Variants in AFG1L observed in about 807,000 individuals in gnomAD.
AFG1L encodes the protein AFG1-like ATPase.
In AFG1L, 53 loss-of-function variants were observed where a neutral mutation model predicts 62.2. That is an observed-to-expected ratio of 0.85 (90% CI 0.68 to 1.07). The LOEUF (loss-of-function observed/expected upper bound fraction) is 1.07, where lower values mean the gene tolerates loss of function less well. Ranked by LOEUF, AFG1L falls within the 50% of genes least tolerant of loss-of-function variation. The pLI is 0.00. For synonymous variants in AFG1L, 228 were observed against 210.3 expected (o/e 1.08, Z -0.73); for missense variants, 555 against 590.5 (o/e 0.94, Z 0.62).
intron 2 of AFG1L, among the ~76,000 whole-genome samples, chr6:108,344,527 A>G (rs917301951): frequency 6.6e-6 from 1 of 152,150 alleles, no homozygotes; most frequent in Non-Finnish European, 1.5e-5. Flanking sequence ...TCAAGGCTGT[A>G]GTATGCTATG....
chr6:108,302,336 G>A (rs900242341), intron 1 of AFG1L, among the ~76,000 whole-genome samples: 2 of 152,144 alleles, frequency 1.3e-5, no homozygotes, highest in Non-Finnish European at 2.9e-5. Flanking sequence ...ATCATGGTAA[G>A]ACTGATTTGC....
At position 108,476,935 on chromosome 6, in the gene AFG1L, T is replaced by G. The variant is rs201639209; in HGVS notation, c.961T>G (p.Leu321Val). 1 of 1,612,492 alleles carries G rather than the reference T, an allele frequency of 6.2e-7. No individual in the cohort carries two copies. Among genetic ancestry groups the G allele is most frequent in the East Asian group, 2.2e-5 (1 of 44,872 alleles). ...TGAGCTGGCTCAGAAACAAAATGAT[T>G]GTACGTAAGTTAATTTCTCTTGAAA... ...FDELAQKQND[L>V]TRPRILKVQG... Residue 321 changes from leucine to valine, a missense_variant and splice_region_variant, in exon 9 of 13, where the codon TTA becomes GTA. Physicochemically the swap from Leu to Val is conservative, Grantham distance 32. Transcript: ENST00000368977.
chr6:108,325,885 C>T (rs945898558), intron 2 of AFG1L, among the ~76,000 whole-genome samples: 21 of 151,970 alleles, frequency 1.4e-4, no homozygotes, highest in African/African-American at 4.8e-4. Flanking sequence ...CAGGTTCAAA[C>T]GATTCTCCTG....
At position 108,468,018 on chromosome 6, in the gene AFG1L, G is replaced by A. The variant is rs183326254; in HGVS notation, c.891-8847G>A. ...CTTCAGTCTGAAAGCTGTAAGACTG[G>A]ATAACTAACCCCATATTTATCCCTT... On this transcript the variant is annotated intron_variant, in intron 8 of 12. Coordinates refer to ENST00000368977, the MANE Select transcript of AFG1L (RefSeq NM_145315.5). 1.6e-3 allele frequency among the ~76,000 whole-genome samples: 237 copies of A among 152,252 alleles called. 10 individuals are homozygous for A. The highest frequency in any genetic ancestry group is 0.013 in the Admixed American group (197 of 15,288).
chr6:108,373,327 A>G (rs1450246665), intron 6 of AFG1L, among the ~76,000 whole-genome samples: 1 of 152,146 alleles, frequency 6.6e-6, no homozygotes, highest in African/African-American at 2.4e-5. Flanking sequence ...CATTTAGGCT[A>G]ATGGCCTCGA....
chr6:108,353,133 C>A (rs1020548738), intron 3 of AFG1L, among the ~76,000 whole-genome samples: 1 of 149,624 alleles, frequency 6.7e-6, no homozygotes, highest in African/African-American at 2.5e-5. Context: ...TTGCTGGATC[C>A]TATGGTCACA....
In AFG1L at chr6:108,436,155, GT is replaced by G. The variant is rs1006429415; in HGVS notation, c.808-11050del. On this transcript the variant is annotated intron_variant, in intron 7 of 12. Transcript: ENST00000368977. Reference sequence around the variant, plus strand: ...CCATATCATTTTTGTATGAGATTAGGTTTTTTTTTAGACAGAGTCTCGCTGT... The same window carrying G: ...CCATATCATTTTTGTATGAGATTAGGTTTTTTTTAGACAGAGTCTCGCTGT... 2.6e-5 allele frequency among the ~76,000 whole-genome samples: 4 copies of G among 151,116 alleles called. No individual in the cohort carries two copies. The East Asian group carries it at 5.8e-4, about 22-fold the overall frequency.
At chr6:108,436,747 A>G (rs941923562) in intron 7 of AFG1L, among the ~76,000 whole-genome samples, 3 of 152,220 alleles carry the variant, frequency 2.0e-5, no homozygotes, top group African/African-American at 7.2e-5. Flanking sequence ...CTGTTTGACA[A>G]TGGACAAGTT....
chr6:108,479,497 G>T (rs1195528855), intron 10 of AFG1L, among the ~76,000 whole-genome samples: 2 of 152,130 alleles, frequency 1.3e-5, no homozygotes, highest in African/African-American at 2.4e-5. Flanking sequence ...GGGTTAGGTC[G>T]CAGTGTTAAG....
chr6:108,305,362 A>T (rs1299799774), intron 1 of AFG1L, among the ~76,000 whole-genome samples: 1 of 152,168 alleles, frequency 6.6e-6, no homozygotes, highest in East Asian at 1.9e-4. Flanking sequence ...GGATACTCTG[A>T]ACACCTAGAG....
Position 108,453,395 on chromosome 6 carries a change from G to A in AFG1L, c.890+6099G>A, listed in dbSNP as rs550916356. Among the ~76,000 whole-genome samples the A allele has an allele frequency of 2.6e-5, 4 of 152,082 alleles. No individual in the cohort carries two copies. In the East Asian group the frequency reaches 7.7e-4, roughly 29 times the overall value. On this transcript the variant is annotated intron_variant, in intron 8 of 12. Transcript: ENST00000368977. Reference sequence around the variant, plus strand: ...GAAGTTTTATGTCTCAAGCACTCTTGGTTTTCCACTTGGGAAATATCTATT... The same window carrying A: ...GAAGTTTTATGTCTCAAGCACTCTTAGTTTTCCACTTGGGAAATATCTATT...
At chr6:108,314,035 C>G (rs55700760) in intron 1 of AFG1L, among the ~76,000 whole-genome samples, 1 of 151,952 alleles carries the variant, frequency 6.6e-6, no homozygotes, top group South Asian at 2.1e-4. Flanking sequence ...GCCAACATGG[C>G]CAGACCATGG....
At chr6:108,443,872 C>T (rs1054621536) in intron 7 of AFG1L, among the ~76,000 whole-genome samples, 5 of 147,130 alleles carry the variant, frequency 3.4e-5, no homozygotes, top group Non-Finnish European at 7.5e-5. Context: ...AAGACTCTGT[C>T]GAAAAAAAAA....
At chr6:108,328,869 G>C (rs773965335) in intron 2 of AFG1L, among the ~76,000 whole-genome samples, 35 of 152,044 alleles carry the variant, frequency 2.3e-4, no homozygotes, top group Admixed American at 7.9e-4. Context: ...ATCTGAGTTG[G>C]CTATGATGGG....
chr6:108,444,049 A>C (rs1318389151), intron 7 of AFG1L, among the ~76,000 whole-genome samples: 1 of 144,388 alleles, frequency 6.9e-6, no homozygotes, highest in South Asian at 2.2e-4. Flanking sequence ...ACTGAAGTGA[A>C]TATCTCCCAT....
chr6:108,339,637 T>G (rs1253228597), intron 2 of AFG1L, among the ~76,000 whole-genome samples: 1 of 152,056 alleles, frequency 6.6e-6, no homozygotes, highest in Non-Finnish European at 1.5e-5. Flanking sequence ...TTTTTGTATT[T>G]TTAGTAGAAA....
intron 8 of AFG1L, among the ~76,000 whole-genome samples, chr6:108,474,580 A>G (rs1391590143): frequency 6.6e-6 from 1 of 152,140 alleles, no homozygotes; most frequent in Non-Finnish European, 1.5e-5. Flanking sequence ...CGCCATTCTA[A>G]CTGGTATGAG....
chr6:108,310,685 G>A (rs948098728), intron 1 of AFG1L, among the ~76,000 whole-genome samples: 3 of 149,900 alleles, frequency 2.0e-5, no homozygotes, highest in African/African-American at 7.4e-5. Context: ...AGTGATTCTC[G>A]TGCCTCAGCC....
At chr6:108,505,902 A>G (rs1385985265) in intron 10 of AFG1L, among the ~76,000 whole-genome samples, 1 of 152,232 alleles carries the variant, frequency 6.6e-6, no homozygotes, top group Non-Finnish European at 1.5e-5. Flanking sequence ...AATGGAGCAG[A>G]GGCAATATAC....
Sources: allele counts gnomAD v4.1 joint callset (sites outside exome capture counted in the v4.1 genomes callset), GRCh38; gene constraint gnomAD v4.1.1; transcripts MANE v1.5; gene names NCBI Gene and HGNC (gene_info 2026-07-23, HGNC 2026-07-21).